The following CTNNA2 variants were observed in gnomAD, a reference collection of about 807,000 sequenced individuals.
The protein encoded by CTNNA2 is catenin alpha-2.
Under a neutral mutation model 101.0 loss-of-function variants are expected in CTNNA2, and 42 were observed. That is an observed-to-expected ratio of 0.42 (90% CI 0.32 to 0.54). The LOEUF is 0.54. CTNNA2 is among the 20% of genes least tolerant of loss of function. CTNNA2 has a pLI of 0.14. For missense variants in CTNNA2, 871 were observed against 1,223.1 expected (o/e 0.71, Z 4.29); for synonymous variants, 450 against 456.4 (o/e 0.99, Z 0.18).
At chr2:79,418,561 G>T (rs929096423) in intron 4 of CTNNA2, among the ~76,000 whole-genome samples, 2 of 152,118 alleles carry the variant, frequency 1.3e-5, no homozygotes, top group African/African-American at 4.8e-5. Flanking sequence ...TTCAGATGGT[G>T]TGAGTATAAG....
At chr2:79,415,079 G>A (rs1478589788) in intron 4 of CTNNA2, among the ~76,000 whole-genome samples, 1 of 152,142 alleles carries the variant, frequency 6.6e-6, no homozygotes, top group Non-Finnish European at 1.5e-5. Flanking sequence ...CCAAACCTCA[G>A]GTTGAAAAGT....
chr2:79,968,202 T>C (rs999802434), intron 7 of CTNNA2, among the ~76,000 whole-genome samples: 1 of 138,922 alleles, frequency 7.2e-6, no homozygotes, highest in Non-Finnish European at 1.5e-5. Flanking sequence ...TTTATGTTAA[T>C]TTTACTTCAA....
At chr2:80,201,367 C>CTTTTTTTTTTTTTTTT (rs60448795) in intron 7 of CTNNA2, among the ~76,000 whole-genome samples, 1 of 80,732 alleles carries the variant, frequency 1.2e-5, no homozygotes, top group Non-Finnish European at 2.3e-5. Context: ...CTTTTTCTTT[C>CTTTTTTTTTTTTTTTT]TTTTTTTTTT....
intron 4 of CTNNA2, among the ~76,000 whole-genome samples, chr2:79,451,712 A>AT (rs1177193766): frequency 1.3e-5 from 2 of 151,424 alleles, no homozygotes; most frequent in Non-Finnish European, 1.5e-5. Context: ...AAATTACTTC[A>AT]TTTTTTGTCT....
At chr2:79,471,453 C>T (rs1670997757) in intron 4 of CTNNA2, among the ~76,000 whole-genome samples, 1 of 152,146 alleles carries the variant, frequency 6.6e-6, no homozygotes, top group Non-Finnish European at 1.5e-5. Flanking sequence ...ACTGAGGGCT[C>T]TCATGGCTCC....
At chr2:80,368,019 TG>T (rs1675094362) in intron 7 of CTNNA2, among the ~76,000 whole-genome samples, 1 of 152,124 alleles carries the variant, frequency 6.6e-6, no homozygotes, top group African/African-American at 2.4e-5. Context: ...AATAAATGCA[TG>T]CAAAAAATGA....
intron 3 of CTNNA2, among the ~76,000 whole-genome samples, chr2:79,787,822 C>T (rs1273907657): frequency 1.3e-5 from 2 of 152,072 alleles, no homozygotes; most frequent in African/African-American, 4.8e-5. Flanking sequence ...TCCAATGACA[C>T]TGGGCCCACC....
At chr2:79,294,347 A>G (rs867214639) in intron 2 of CTNNA2, among the ~76,000 whole-genome samples, 4 of 152,036 alleles carry the variant, frequency 2.6e-5, no homozygotes, top group Non-Finnish European at 4.4e-5. Context: ...GAAGATATTA[A>G]TCCTATCATA....
chr2:80,304,958 G>T (rs1345711009), intron 7 of CTNNA2: 8 of 524,084 alleles, frequency 1.5e-5, no homozygotes, highest in East Asian at 1.5e-4. Context: ...GGAGGTAGGG[G>T]TAGCATCATC....
Position 80,329,220 on chromosome 2 carries a change from T to C in CTNNA2, c.1057-63991T>C, listed in dbSNP as rs75215802. On this transcript the variant is annotated intron_variant, in intron 7 of 18. Coordinates refer to ENST00000402739, the MANE Select transcript of CTNNA2 (RefSeq NM_001282597.3). ...ATTTGATTGGTATTTGCTGGATCAT[T>C]TGGGTGAATAACCAGCCTGGTGTTC... Among the ~76,000 whole-genome samples the C allele has an allele frequency of 6.9e-3, 1,052 of 152,296 alleles. 8 individuals are homozygous for C. Among genetic ancestry groups the C allele is most frequent in the Non-Finnish European group, 0.012 (826 of 68,032 alleles).
At chr2:80,448,984 G>A (rs1683279912) in intron 9 of CTNNA2, among the ~76,000 whole-genome samples, 1 of 152,166 alleles carries the variant, frequency 6.6e-6, no homozygotes, top group African/African-American at 2.4e-5. Context: ...TAGAGCTGAT[G>A]CTAGGGGTCA....
At chr2:80,492,518 T>G (rs2149519396) in intron 9 of CTNNA2, among the ~76,000 whole-genome samples, 1 of 152,346 alleles carries the variant, frequency 6.6e-6, no homozygotes. Flanking sequence ...CGAAATGGCT[T>G]TCTGAAACAC....
At chr2:80,003,533 A>G (rs899772202) in intron 7 of CTNNA2, among the ~76,000 whole-genome samples, 1 of 152,104 alleles carries the variant, frequency 6.6e-6, no homozygotes, top group South Asian at 2.1e-4. Context: ...TCGGGACACC[A>G]TTTTTACTAG....
chr2:79,973,612 C>T (rs1175068507), intron 7 of CTNNA2, among the ~76,000 whole-genome samples: 1 of 152,088 alleles, frequency 6.6e-6, no homozygotes, highest in East Asian at 1.9e-4. Flanking sequence ...ACCTAAAAAA[C>T]AAACAGAGCC....
At chr2:79,908,771 T>A (rs1685592399) in intron 6 of CTNNA2, among the ~76,000 whole-genome samples, 1 of 152,222 alleles carries the variant, frequency 6.6e-6, no homozygotes. Flanking sequence ...CACTAGTTTA[T>A]GTCCAAATAC....
intron 3 of CTNNA2, among the ~76,000 whole-genome samples, chr2:79,769,667 T>C (rs531697598): frequency 2.0e-3 from 308 of 151,750 alleles, no homozygotes; most frequent in African/African-American, 6.7e-3. Context: ...ACTGGCCTCA[T>C]AGCAGAAGTC....
chr2:80,396,969 G>T (rs763111071), intron 8 of CTNNA2, among the ~76,000 whole-genome samples: 7 of 152,180 alleles, frequency 4.6e-5, no homozygotes, highest in African/African-American at 7.2e-5. Context: ...TTTTGCATTA[G>T]GGTGAGTACT....
At chr2:80,055,002 C>A (rs566699712) in intron 7 of CTNNA2, among the ~76,000 whole-genome samples, 2 of 152,020 alleles carry the variant, frequency 1.3e-5, no homozygotes, top group South Asian at 4.2e-4. Context: ...ATTTATGACC[C>A]TGATTTTTGG....
chr2:79,219,744 C>G (rs1227303635), intron 2 of CTNNA2, among the ~76,000 whole-genome samples: 1 of 152,154 alleles, frequency 6.6e-6, no homozygotes, highest in Non-Finnish European at 1.5e-5. Context: ...CTAAAACACA[C>G]CATGGAACAG....
Sources: allele counts gnomAD v4.1 joint callset (sites outside exome capture counted in the v4.1 genomes callset), GRCh38; gene constraint gnomAD v4.1.1; transcripts MANE v1.5; gene names NCBI Gene and HGNC (gene_info 2026-07-23, HGNC 2026-07-21).